COG6: variants seen among roughly 807,000 people sequenced by gnomAD.
COG6 encodes the protein conserved oligomeric Golgi complex subunit 6.
In COG6, 74 loss-of-function variants were observed where a neutral mutation model predicts 88.8. The ratio of observed to expected loss-of-function variants is 0.83; its 90% confidence interval spans 0.69 to 1.01. COG6 has a LOEUF of 1.01. Ranked by LOEUF, COG6 falls within the 50% of genes least tolerant of loss-of-function variation. The probability of loss-of-function intolerance (pLI) is 0.00; values close to 1 mark genes in which losing one functional copy is unlikely to be tolerated. For synonymous variants in COG6, 286 were observed against 278.7 expected (o/e 1.03, Z -0.26); for missense variants, 800 against 797.9 (o/e 1.00, Z -0.03).
intron 18 of COG6, among the ~76,000 whole-genome samples, chr13:39,779,894 A>G (rs905722179): frequency 5.9e-5 from 9 of 152,196 alleles, no homozygotes; most frequent in Non-Finnish European, 1.3e-4. Context: ...GTCCATAGAG[A>G]TATTATCCTA....
In COG6 at chr13:39,751,569, C is replaced by G; in HGVS notation, c.*476C>G. The G allele has an allele frequency of 7.8e-7, 1 of 1,287,142 alleles. No homozygotes were observed. The highest frequency in any genetic ancestry group is 1.0e-6 in the Non-Finnish European group (1 of 988,718). The allele number at this position is 1,287,142 out of a possible 1,614,324, so 79.7% of individuals were successfully genotyped here. ...TAGCTTTTCTGAACCTAGCCTATGT[C>G]TCTGTCCCCAAAATAGCTGCCCTTA... On this transcript the variant is annotated 3_prime_UTR_variant, in exon 19 of 19. Transcript: ENST00000455146.
chr13:39,724,663 CTT>C lies in COG6; in HGVS notation c.1746+103_1746+104del, dbSNP rs113622347. On this transcript the variant is annotated intron_variant, in intron 17 of 18. Transcript: ENST00000455146. ...TCATTCTGGGTGACACTTTTTATCT[CTT>C]GACATGCTGTATTAACGTTGGGTCC... The C allele has an allele frequency of 3.7e-4, 327 of 894,242 alleles. 1 individual carries two copies. In the African/African-American group the frequency reaches 4.5e-3, roughly 12 times the overall value. The allele number at this position is 894,242 out of a possible 1,614,324, so 55.4% of individuals were successfully genotyped here.
intron 18 of COG6, among the ~76,000 whole-genome samples, chr13:39,735,799 G>GT (rs558960746): frequency 4.1e-5 from 6 of 144,830 alleles, no homozygotes; most frequent in South Asian, 2.3e-4. Context: ...TAGGATAAAA[G>GT]TTTTTTTTTC....
rs772090504 is a variant in COG6 at position 39,687,611 on chromosome 13, G to A, written c.897G>A (p.Met299Ile). ...GPGGTPRPIE[M>I]HSHDPLRYVG... ...GAGGTACACCTAGACCAATTGAAAT[G>A]CATTCTCATGACCCTTTGAGGTATA... The change falls in exon 9 of 19, where the codon ATG (methionine) becomes ATA (isoleucine). Residue 299 changes from methionine (M) to isoleucine (I), a missense_variant. Met to Ile is a conservative substitution (Grantham distance 10). Transcript: ENST00000455146. 1.9e-6 allele frequency: 3 copies of A among 1,613,816 alleles called. No individual in the cohort carries two copies. The highest frequency in any genetic ancestry group is 3.3e-4 in the Middle Eastern group (2 of 6,084).
intron 11 of COG6, among the ~76,000 whole-genome samples, chr13:39,692,315 CT>C (rs1159674566): frequency 6.6e-6 from 1 of 151,732 alleles, no homozygotes; most frequent in East Asian, 1.9e-4. Context: ...TAAAATCCTT[CT>C]TTTATGTGAA....
At chr13:39,788,022 T>C (rs972324064) in intron 18 of COG6, among the ~76,000 whole-genome samples, 5 of 152,188 alleles carry the variant, frequency 3.3e-5, no homozygotes, top group African/African-American at 1.2e-4. Flanking sequence ...CTATGCTTCC[T>C]TGCTATGGAA....
rs45525134 is a variant in COG6 at position 39,682,484 on chromosome 13, C to G, written c.788+220C>G. On this transcript the variant is annotated intron_variant, in intron 8 of 18. Transcript: ENST00000455146. ...AATATGGAAAGAGAAACCAAAGTGT[C>G]TCTGTATCTAGACTACCTCTTACTT... The G allele has an allele frequency of 0.07, 32,816 of 467,058 alleles. 1,462 individuals carry two copies. Among genetic ancestry groups the G allele is most frequent in the Non-Finnish European group, 0.095 (24,668 of 258,560 alleles). 28.9% of individuals were successfully genotyped at this position (467,058 alleles called of 1,614,324 possible).
chr13:39,693,665 AACATAT>A (rs1432480749), intron 11 of COG6, among the ~76,000 whole-genome samples: 1 of 151,964 alleles, frequency 6.6e-6, no homozygotes, highest in Non-Finnish European at 1.5e-5. Context: ...CAATTTCATA[AACATAT>A]TAATGTAAAG....
chr13:39,768,356 G>C lies in COG6; in HGVS notation c.1827-19979G>C, dbSNP rs980425168. 4.5e-4 allele frequency among the ~76,000 whole-genome samples: 68 copies of C among 152,332 alleles called. 1 individual carries two copies. The highest frequency in any genetic ancestry group is 1.6e-3 in the African/African-American group (68 of 41,578). The stretch of plus-strand genomic sequence containing the variant: ...GGCCCCTACTGCCACTCCACAGGTG[G>C]CTTAGCACTGCCACAGGGCGGGACA... On this transcript the variant is annotated intron_variant, in intron 18 of 18. Transcript: ENST00000416691.
At chr13:39,762,923 C>G (rs1055210841) in intron 18 of COG6, among the ~76,000 whole-genome samples, 1 of 151,512 alleles carries the variant, frequency 6.6e-6, no homozygotes, top group African/African-American at 2.4e-5. Flanking sequence ...TATACTTGCT[C>G]TAAGTTTTCA....
rs2137988020 is a variant in COG6, at chr13:39,679,959, A to G, written c.624-16A>G. 1 of 1,354,718 alleles carries G rather than the reference A, an allele frequency of 7.4e-7. No homozygotes were observed. The highest frequency in any genetic ancestry group is 2.4e-5 in the East Asian group (1 of 42,454). 83.9% of individuals were successfully genotyped at this position (1,354,718 alleles called of 1,614,324 possible). A position where few individuals can be genotyped will look rare whatever the true frequency, so the allele number is the denominator to read the frequency against. On this transcript the variant is annotated splice_polypyrimidine_tract_variant and intron_variant, in intron 6 of 18. Coordinates refer to ENST00000455146, the MANE Select transcript of COG6 (RefSeq NM_020751.3). The stretch of plus-strand genomic sequence containing the variant: ...GTTGACTAAAGTTTAAATTATAATC[A>G]TTAATTTTTTTTTAGTTTAGAAATT...
Position 39,751,855 on chromosome 13 carries a change from T to C in COG6, c.*762T>C, listed in dbSNP as rs1880652944. ...TTCCAATGAGCTCTAAGCATGTAGATAGCCTGAGCTGTGTCTAAGCCTGGT... is the reference window on the plus strand; with the variant it reads ...TTCCAATGAGCTCTAAGCATGTAGACAGCCTGAGCTGTGTCTAAGCCTGGT... On this transcript the variant is annotated 3_prime_UTR_variant, in exon 19 of 19. Transcript: ENST00000455146. The C allele has an allele frequency of 3.1e-6, 4 of 1,287,036 alleles. No individual in the cohort carries two copies. Among genetic ancestry groups the C allele is most frequent in the African/African-American group, 1.5e-5 (1 of 65,792 alleles). 79.7% of individuals were successfully genotyped at this position (1,287,036 alleles called of 1,614,324 possible).
chr13:39,680,010 A>T lies in COG6; in HGVS notation c.659A>T (p.Glu220Val). The T allele has an allele frequency of 6.3e-7, 1 of 1,589,966 alleles. No individual in the cohort carries two copies. Among genetic ancestry groups the T allele is most frequent in the Non-Finnish European group, 8.6e-7 (1 of 1,159,584 alleles). ...EIMEQMALLQ[E>V]TAYERLYRWA... Reference sequence around the variant, plus strand: ...ATGGAACAGATGGCCTTACTTCAAGAAACGGCTTATGAAAGACTTTACCGA... The same window carrying T: ...ATGGAACAGATGGCCTTACTTCAAGTAACGGCTTATGAAAGACTTTACCGA... The change falls in exon 7 of 19, where the codon GAA (glutamate) becomes GTA (valine). Residue 220 changes from glutamate (E) to valine (V), a missense_variant. Coordinates refer to ENST00000455146, the MANE Select transcript of COG6 (RefSeq NM_020751.3).
intron 18 of COG6, among the ~76,000 whole-genome samples, chr13:39,750,138 A>C (rs1203581656): frequency 6.6e-6 from 1 of 152,178 alleles, no homozygotes; most frequent in African/African-American, 2.4e-5. Context: ...TTTTTGTAAA[A>C]ATCAGAAAAT....
chr13:39,743,804 A>G (rs1264389598), intron 18 of COG6, among the ~76,000 whole-genome samples: 1 of 152,204 alleles, frequency 6.6e-6, no homozygotes, highest in Admixed American at 6.5e-5. Context: ...CAACAAAAAA[A>G]GAGAATTTTA....
intron 13 of COG6, among the ~76,000 whole-genome samples, chr13:39,703,815 C>G (rs1254996525): frequency 6.6e-6 from 1 of 152,054 alleles, no homozygotes; most frequent in Non-Finnish European, 1.5e-5. Context: ...CTCACTGCAG[C>G]CTTGAAGCTC....
At position 39,751,246 on chromosome 13, in the gene COG6, CAGTAACAGGGAAGTA is replaced by C; in HGVS notation, c.*161_*175del. The C allele has an allele frequency of 6.6e-7, 1 of 1,505,964 alleles. No homozygotes were observed. The highest frequency in any genetic ancestry group is 1.3e-5 in the South Asian group (1 of 79,054). 93.3% of individuals were successfully genotyped at this position (1,505,964 alleles called of 1,614,324 possible). A position where few individuals can be genotyped will look rare whatever the true frequency, so the allele number is the denominator to read the frequency against. ...CCGATAATTTTTTTTTTTTTGGTCTCAGTAACAGGGAAGTAAGTAACATGTTGACCTGAGCTAGTA... is the reference window on the plus strand; with the variant it reads ...CCGATAATTTTTTTTTTTTTGGTCTCAGTAACATGTTGACCTGAGCTAGTA... On this transcript the variant is annotated 3_prime_UTR_variant, in exon 19 of 19. Coordinates refer to ENST00000455146, the MANE Select transcript of COG6 (RefSeq NM_020751.3).
At chr13:39,683,836 T>C (rs1876464154) in intron 8 of COG6, among the ~76,000 whole-genome samples, 1 of 152,188 alleles carries the variant, frequency 6.6e-6, no homozygotes, top group Admixed American at 6.5e-5. Flanking sequence ...CACTGAGTTA[T>C]AGTTCTTTAT....
chr13:39,747,861 T>A (rs1452701020), intron 18 of COG6, among the ~76,000 whole-genome samples: 1 of 152,176 alleles, frequency 6.6e-6, no homozygotes, highest in Admixed American at 6.6e-5. Context: ...TTCACTACTT[T>A]AGAAGTTTCA....
Sources: allele counts gnomAD v4.1 joint callset (sites outside exome capture counted in the v4.1 genomes callset), GRCh38; gene constraint gnomAD v4.1.1; transcripts MANE v1.5; gene names NCBI Gene and HGNC (gene_info 2026-07-23, HGNC 2026-07-21).